KANSL1: variants seen among roughly 807,000 people sequenced by gnomAD.
The protein encoded by KANSL1 is KAT8 regulatory NSL complex subunit 1, also known as MLL1/MLL complex subunit KANSL1.
A neutral mutation model predicts 103.6 loss-of-function variants in KANSL1; 22 were observed. The ratio of observed to expected loss-of-function variants is 0.21; its 90% CI spans 0.15 to 0.30. The LOEUF is 0.30. KANSL1 is among the 10% of genes least tolerant of loss of function. The pLI is 1.00. For missense variants in KANSL1, 1,337 were observed against 1,399.8 expected (o/e 0.96, Z 0.72); for synonymous variants, 600 against 527.6 (o/e 1.14, Z -1.88).
intron 1 of KANSL1, among the ~76,000 whole-genome samples, chr17:46,209,586 C>T (rs1436690415): frequency 1.3e-5 from 2 of 152,106 alleles, no homozygotes; most frequent in East Asian, 1.9e-4. Flanking sequence ...CTCTGTCTCC[C>T]GGGTTCAAGC....
At chr17:46,032,456 C>T in intron 13 of KANSL1, 157 bp from the exon 14 acceptor site, 1 of 587,902 alleles carries the variant, frequency 1.7e-6, no homozygotes, top group Non-Finnish European at 2.9e-6. Flanking sequence ...CCACTATTCT[C>T]TGGAGGGGTA....
chr17:46,152,403 G>T (rs188775787), intron 2 of KANSL1, among the ~76,000 whole-genome samples: 1 of 152,142 alleles, frequency 6.6e-6, no homozygotes, highest in African/African-American at 2.4e-5. Context: ...GAAAACAACA[G>T]AATACTTTTT....
intron 2 of KANSL1, among the ~76,000 whole-genome samples, chr17:46,127,974 C>T (rs926664828): frequency 6.7e-5 from 10 of 150,162 alleles, no homozygotes; most frequent in Admixed American, 2.0e-4. Context: ...ACCCAAACAC[C>T]CCTTCCCTAA....
At chr17:46,188,363 C>T (rs1213793748) in intron 1 of KANSL1, among the ~76,000 whole-genome samples, 3 of 152,226 alleles carry the variant, frequency 2.0e-5, no homozygotes, top group Non-Finnish European at 2.9e-5. Flanking sequence ...AACTATTGTT[C>T]TGCACAACTT....
At chr17:46,133,676 AGTT>A (rs2043979937) in intron 2 of KANSL1, among the ~76,000 whole-genome samples, 1 of 152,254 alleles carries the variant, frequency 6.6e-6, no homozygotes, top group Non-Finnish European at 1.5e-5. Flanking sequence ...ATTACAAAAT[AGTT>A]GTTAAAAGTT....
intron 10 of KANSL1, among the ~76,000 whole-genome samples, chr17:46,036,217 CTT>C (rs907064489): frequency 3.3e-5 from 5 of 152,156 alleles, no homozygotes; most frequent in Admixed American, 2.6e-4. Flanking sequence ...CAAATCAGAT[CTT>C]TAGAAGTGTC....
At chr17:46,106,947 T>G (rs1268768936) in intron 2 of KANSL1, among the ~76,000 whole-genome samples, 2 of 151,992 alleles carry the variant, frequency 1.3e-5, no homozygotes, top group Non-Finnish European at 2.9e-5. Context: ...ATCCTGCAAA[T>G]AACACAAGAG....
upstream of KANSL1, chr17:46,196,805 C>T (rs1282020226): frequency 4.9e-6 from 1 of 202,086 alleles, no homozygotes; most frequent in Non-Finnish European, 1.0e-5. Flanking sequence ...ATTATTTCTT[C>T]CTCAGAAAAG....
At chr17:46,207,815 A>G (rs2048022226) in intron 1 of KANSL1, among the ~76,000 whole-genome samples, 1 of 151,988 alleles carries the variant, frequency 6.6e-6, no homozygotes, top group South Asian at 2.1e-4. Flanking sequence ...CCATCTCTAC[A>G]AAAAATACAA....
intron 1 of KANSL1, among the ~76,000 whole-genome samples, chr17:46,189,031 CAAAAAAAAAAAAAAAAAA>C (rs57566816): frequency 1.0e-3 from 65 of 62,374 alleles, no homozygotes; most frequent in African/African-American, 1.8e-3. Flanking sequence ...AAGATTGTCT[CAAAAAAAAAAAAAAAAAA>C]AAAAAAAAAA....
At position 46,171,164 on chromosome 17, in the gene KANSL1, T is replaced by G; in HGVS notation, c.980A>C (p.Lys327Thr). Reference protein sequence around the residue: ...IQHQLGGFLEKTLSKLPNLES... With the variant: ...IQHQLGGFLETTLSKLPNLES... ...CAAGTTTGGCAGTTTGCTCAAAGTC[T>G]TCTCCAAAAATCCACCCAGCTGATG... Residue 327 changes from lysine (K) to threonine (T), a missense_variant, in exon 2 of 15, where the codon AAG becomes ACG. Physicochemically the swap from Lys to Thr is moderately conservative, Grantham distance 78 (BLOSUM62 -1). Around this residue, in one of 2 missense-constraint regions of KANSL1, gnomAD observed 557 missense variants for 476.4 expected, o/e 1.17. Transcript: ENST00000432791. 1 of 1,614,162 alleles carries G rather than the reference T, an allele frequency of 6.2e-7. No individual in the cohort carries two copies. Among genetic ancestry groups the G allele is most frequent in the Non-Finnish European group, 8.5e-7 (1 of 1,180,050 alleles).
chr17:46,214,375 C>T (rs771264379), intron 1 of KANSL1, among the ~76,000 whole-genome samples: 9 of 152,256 alleles, frequency 5.9e-5, no homozygotes, highest in Non-Finnish European at 8.8e-5. Flanking sequence ...CAGTGATGGC[C>T]GGGTATGGTG....
chr17:46,086,494 A>G, intron 3 of KANSL1, among the ~76,000 whole-genome samples: 1 of 152,246 alleles, frequency 6.6e-6, no homozygotes, highest in East Asian at 1.9e-4. Context: ...ATACAAGAAA[A>G]AATGAGAGAC....
chr17:46,062,301 T>A (rs1186788265), intron 6 of KANSL1, among the ~76,000 whole-genome samples: 3 of 149,722 alleles, frequency 2.0e-5, no homozygotes, highest in African/African-American at 7.3e-5. Flanking sequence ...TTTAACTTAC[T>A]GAACACTTTG....
chr17:46,127,610 T>TA (rs138876826), intron 2 of KANSL1, among the ~76,000 whole-genome samples: 1 of 151,828 alleles, frequency 6.6e-6, no homozygotes, highest in East Asian at 1.9e-4. Context: ...TTTGCCTCTA[T>TA]AAAAAAATAC....
intron 4 of KANSL1, among the ~76,000 whole-genome samples, 159 bp downstream of exon 4, chr17:46,082,282 A>C (rs1014386832): frequency 6.6e-6 from 1 of 152,150 alleles, no homozygotes; most frequent in Non-Finnish European, 1.5e-5. Flanking sequence ...TAGATTCCCT[A>C]TTCAGGAATT....
intron 2 of KANSL1, among the ~76,000 whole-genome samples, chr17:46,106,984 A>G (rs1180693651): frequency 6.6e-6 from 1 of 152,246 alleles, no homozygotes; most frequent in Non-Finnish European, 1.5e-5. Flanking sequence ...TCTGAAAGAT[A>G]GAAAAGGGAA....
At chr17:46,205,433 G>A (rs2047933197) in intron 1 of KANSL1, among the ~76,000 whole-genome samples, 1 of 151,860 alleles carries the variant, frequency 6.6e-6, no homozygotes, top group Non-Finnish European at 1.5e-5. Flanking sequence ...TGTAATCCCA[G>A]CACTTTGGGA....
chr17:46,144,863 A>G (rs2044616882), intron 2 of KANSL1, among the ~76,000 whole-genome samples: 1 of 152,148 alleles, frequency 6.6e-6, no homozygotes, highest in African/African-American at 2.4e-5. Context: ...TTCCACACGA[A>G]ATGCAAGGCA....
Sources: allele counts gnomAD v4.1 joint callset (sites outside exome capture counted in the v4.1 genomes callset), GRCh38; gene constraint gnomAD v4.1.1; regional missense constraint gnomAD v4.1.1; transcripts MANE v1.5; gene names NCBI Gene and HGNC (gene_info 2026-07-23, HGNC 2026-07-21).